RASSF3: variants seen among roughly 807,000 people sequenced by gnomAD.
RASSF3 encodes ras association domain-containing protein 3.
A neutral mutation model predicts 19.9 loss-of-function variants in RASSF3; 19 were observed. That is an observed-to-expected ratio of 0.96 (90% CI 0.67 to 1.40). RASSF3 has a LOEUF of 1.40. Ranked by LOEUF, RASSF3 falls within the 40% of genes most tolerant of loss-of-function variation. The probability of loss-of-function intolerance (pLI) is 0.00; values close to 1 mark genes in which losing one functional copy is unlikely to be tolerated. For synonymous variants in RASSF3, 110 were observed against 104.2 expected (o/e 1.06, Z -0.34); for missense variants, 306 against 289.8 (o/e 1.06, Z -0.41).
chr12:64,691,029 T>G (rs2620715), intron 3 of RASSF3, among the ~76,000 whole-genome samples: 56,418 of 151,304 alleles, frequency 0.37, 11,348 homozygotes, highest in Middle Eastern at 0.5. Context: ...CCCGGCTGAT[T>G]TTTTGTATTT....
intron 2 of RASSF3, among the ~76,000 whole-genome samples, chr12:64,549,716 T>A (rs1050380507): frequency 6.6e-6 from 1 of 152,134 alleles, no homozygotes; most frequent in Non-Finnish European, 1.5e-5. Context: ...CTGAGCCCCA[T>A]AAGCGGAGGT....
intron 2 of RASSF3, among the ~76,000 whole-genome samples, chr12:64,546,826 A>C (rs1332940190): frequency 6.6e-6 from 1 of 152,220 alleles, no homozygotes; most frequent in African/African-American, 2.4e-5. Context: ...TCAAGCACTG[A>C]TAGAGCGATA....
chr12:64,621,719 G>T (rs1319562055), intron 1 of RASSF3, among the ~76,000 whole-genome samples: 1 of 152,138 alleles, frequency 6.6e-6, no homozygotes, highest in African/African-American at 2.4e-5. Flanking sequence ...TAATCTACCC[G>T]CCTGGGCCTC....
chr12:64,509,773 T>C (rs1277071941), intron 1 of RASSF3, among the ~76,000 whole-genome samples: 2 of 152,160 alleles, frequency 1.3e-5, no homozygotes, highest in African/African-American at 4.8e-5. Flanking sequence ...TTTTTACTTA[T>C]ACACAATATT....
chr12:64,510,354 C>T (rs577176448), intron 1 of RASSF3, among the ~76,000 whole-genome samples: 7 of 152,268 alleles, frequency 4.6e-5, no homozygotes, highest in Non-Finnish European at 8.8e-5. Flanking sequence ...GATCCTTGCT[C>T]CACCCTTCTG....
intron 1 of RASSF3, among the ~76,000 whole-genome samples, chr12:64,620,587 T>C (rs1191803446): frequency 6.6e-6 from 1 of 152,236 alleles, no homozygotes; most frequent in Non-Finnish European, 1.5e-5. Context: ...ATTTCAGCTG[T>C]CATTTTGTTG....
intron 1 of RASSF3, among the ~76,000 whole-genome samples, chr12:64,669,433 G>A (rs939237545): frequency 1.3e-5 from 2 of 151,864 alleles, no homozygotes; most frequent in Non-Finnish European, 2.9e-5. Flanking sequence ...CTCTAGGCAG[G>A]GCATATCCTG....
chr12:64,551,952 G>A (rs80214848), intron 2 of RASSF3, among the ~76,000 whole-genome samples: 70 of 152,236 alleles, frequency 4.6e-4, no homozygotes, highest in Admixed American at 1.0e-3. Flanking sequence ...GCACAGCAAC[G>A]TCCACCCGCC....
At chr12:64,564,953 G>A (rs761932066) in intron 2 of RASSF3, among the ~76,000 whole-genome samples, 2 of 151,360 alleles carry the variant, frequency 1.3e-5, no homozygotes, top group Non-Finnish European at 2.9e-5. Context: ...GCTATTGTTT[G>A]TATTTTTAGT....
At chr12:64,634,158 T>C (rs1200706617) in intron 1 of RASSF3, among the ~76,000 whole-genome samples, 1 of 152,092 alleles carries the variant, frequency 6.6e-6, no homozygotes, top group Non-Finnish European at 1.5e-5. Flanking sequence ...TTGTGTGAGC[T>C]GAACTAGTTG....
intron 1 of RASSF3, among the ~76,000 whole-genome samples, chr12:64,658,961 T>C (rs1338028575): frequency 6.6e-6 from 1 of 152,140 alleles, no homozygotes; most frequent in Admixed American, 6.5e-5. Flanking sequence ...TCCCAGCTAC[T>C]CAGGAAGCAG....
At position 64,696,446 on chromosome 12, in the gene RASSF3, A is replaced by T. The variant is rs1868367689; in HGVS notation, c.*1534A>T. 6.6e-6 allele frequency: 1 copy of T among 152,222 alleles called. No individual in the cohort carries two copies. The highest frequency in any genetic ancestry group is 1.5e-5 in the Non-Finnish European group (1 of 68,038). The allele number at this position is 152,222 out of a possible 1,614,324, so 9.4% of individuals were successfully genotyped here. On this transcript the variant is annotated 3_prime_UTR_variant, in exon 5 of 5. Transcript: ENST00000542104. ...GCAGTTTAATCTGAGAACAGAGGGA[A>T]AGGTGTGCAGTGGTTCCAGAGGGGC...
At chr12:64,519,518 G>A (rs1030241999) in intron 1 of RASSF3, among the ~76,000 whole-genome samples, 3 of 152,038 alleles carry the variant, frequency 2.0e-5, no homozygotes, top group Admixed American at 6.6e-5. Flanking sequence ...TCGATATGTC[G>A]TTACTTTACA....
chr12:64,643,150 G>A (rs1003038334), intron 1 of RASSF3, among the ~76,000 whole-genome samples: 1 of 152,016 alleles, frequency 6.6e-6, no homozygotes, highest in African/African-American at 2.4e-5. Flanking sequence ...ACCGGTGTGA[G>A]CCATCACGCC....
upstream of RASSF3, among the ~76,000 whole-genome samples, chr12:64,528,398 G>A (rs1034300053): frequency 1.9e-4 from 29 of 152,172 alleles, no homozygotes; most frequent in Admixed American, 1.2e-3. Flanking sequence ...CTTCAGTTCC[G>A]GCAACTGACG....
chr12:64,579,713 T>C (rs923381866), intron 2 of RASSF3, among the ~76,000 whole-genome samples: 11 of 152,168 alleles, frequency 7.2e-5, no homozygotes, highest in African/African-American at 2.4e-4. Context: ...TGTTGTCTAA[T>C]ATTAAAATAT....
chr12:64,558,059 T>G (rs2136124102), intron 2 of RASSF3, among the ~76,000 whole-genome samples: 1 of 152,304 alleles, frequency 6.6e-6, no homozygotes, highest in African/African-American at 2.4e-5. Flanking sequence ...CCCTCCAGGA[T>G]GGAGGGTGCC....
At chr12:64,572,610 C>A (rs1448478824) in intron 2 of RASSF3, among the ~76,000 whole-genome samples, 1 of 152,100 alleles carries the variant, frequency 6.6e-6, no homozygotes, top group African/African-American at 2.4e-5. Flanking sequence ...TGAACCCCAG[C>A]ACCAAGCACA....
chr12:64,684,071 C>A (rs1363420351), intron 1 of RASSF3, among the ~76,000 whole-genome samples: 1 of 145,052 alleles, frequency 6.9e-6, no homozygotes, highest in Non-Finnish European at 1.5e-5. Context: ...TAAGGTTCTT[C>A]TTGTGTGGTT....
Sources: gnomAD v4.1 joint callset for allele counts (sites outside exome capture counted in the v4.1 genomes callset) on GRCh38, gnomAD v4.1.1 for gene constraint, MANE v1.5 for transcripts, NCBI Gene and HGNC (gene_info 2026-07-23, HGNC 2026-07-21) for gene names.